Variants in TRAPPC9 observed in about 807,000 individuals in gnomAD.
TRAPPC9 encodes trafficking protein particle complex subunit 9, also known as IKK2 binding protein.
In TRAPPC9, 83 loss-of-function variants were observed where a neutral mutation model predicts 124.0. The ratio of observed to expected loss-of-function variants is 0.67; its 90% CI spans 0.56 to 0.80. The LOEUF (loss-of-function observed/expected upper bound fraction) is 0.80, where lower values mean the gene tolerates loss of function less well. TRAPPC9 is among the 30% of genes least tolerant of loss of function. TRAPPC9 has a pLI of 0.00. For missense variants in TRAPPC9, 1,302 were observed against 1,508.3 expected (o/e 0.86, Z 2.27); for synonymous variants, 638 against 617.5 (o/e 1.03, Z -0.49).
chr8:139,910,392 T>C, intron 19 of TRAPPC9, 92 bp from the exon 20 acceptor site: 2 of 1,227,698 alleles, frequency 1.6e-6, no homozygotes, highest in Non-Finnish European at 2.4e-6. Flanking sequence ...CGTGAGACAC[T>C]ATAATGAATC....
chr8:139,873,467 G>A (rs371158439), intron 21 of TRAPPC9, among the ~76,000 whole-genome samples: 1 of 152,234 alleles, frequency 6.6e-6, no homozygotes, highest in South Asian at 2.1e-4. Flanking sequence ...GTGAGTGAGT[G>A]CCGGGGGTAA....
At chr8:140,075,768 T>C (rs1052360950) in intron 17 of TRAPPC9, among the ~76,000 whole-genome samples, 1 of 152,220 alleles carries the variant, frequency 6.6e-6, no homozygotes, top group Admixed American at 6.5e-5. Context: ...ACACATTGGA[T>C]GTAGAGCCAA....
intron 21 of TRAPPC9, among the ~76,000 whole-genome samples, chr8:139,852,755 T>C (rs1457512569): frequency 2.6e-5 from 4 of 152,224 alleles, no homozygotes; most frequent in Non-Finnish European, 5.9e-5. Context: ...ACCAGCTACC[T>C]TGGGCTGGCT....
chr8:140,419,803 G>A (rs954978700), intron 5 of TRAPPC9, among the ~76,000 whole-genome samples: 1 of 151,958 alleles, frequency 6.6e-6, no homozygotes, highest in Non-Finnish European at 1.5e-5. Flanking sequence ...AGAGAATGGC[G>A]TGAACCCGGA....
At chr8:140,073,378 AAGAAATG>A (rs1329119397) in intron 17 of TRAPPC9, among the ~76,000 whole-genome samples, 2 of 152,354 alleles carry the variant, frequency 1.3e-5, no homozygotes, top group Admixed American at 6.5e-5. Context: ...GAGCAATAAA[AAGAAATG>A]AACTACTGAT....
chr8:140,207,978 C>A (rs987028275), intron 17 of TRAPPC9, among the ~76,000 whole-genome samples: 16 of 152,092 alleles, frequency 1.1e-4, no homozygotes, highest in African/African-American at 3.6e-4. Flanking sequence ...ATGGAGAAAC[C>A]CCATCTCTAC....
At chr8:140,298,826 T>C (rs558678139) in intron 11 of TRAPPC9, among the ~76,000 whole-genome samples, 8 of 152,334 alleles carry the variant, frequency 5.3e-5, no homozygotes, top group African/African-American at 1.7e-4. Context: ...ACAAAATCTA[T>C]AAAATGGGAT....
chr8:140,416,333 AG>A (rs1223763836), intron 5 of TRAPPC9, among the ~76,000 whole-genome samples: 1 of 152,228 alleles, frequency 6.6e-6, no homozygotes, highest in Non-Finnish European at 1.5e-5. Context: ...ACCCAACTCA[AG>A]AAGATCTAGA....
intron 10 of TRAPPC9, chr8:140,302,747 T>A (rs1024556499): frequency 6.6e-6 from 1 of 152,184 alleles, no homozygotes; most frequent in Admixed American, 6.5e-5. Context: ...CAAGAAGAGA[T>A]GGGTGGGGAC....
rs545125647 is a variant in TRAPPC9, at chr8:139,729,664, G to C, written c.*1397C>G. Among the ~76,000 whole-genome samples the C allele has an allele frequency of 2.8e-3, 432 of 152,354 alleles. 3 individuals are homozygous for C. The highest frequency in any genetic ancestry group is 5.4e-3 in the South Asian group (26 of 4,828). ...TGTTCCTTAGGCCGGAGGCCACAGG[G>C]TGACCTTGCTCCCAGCGAGGGAGGT... On this transcript the variant is annotated 3_prime_UTR_variant, in exon 23 of 23. Coordinates refer to ENST00000438773, the MANE Select transcript of TRAPPC9 (RefSeq NM_001160372.4).
chr8:140,270,147 G>A (rs2064831525), intron 15 of TRAPPC9, among the ~76,000 whole-genome samples: 1 of 151,910 alleles, frequency 6.6e-6, no homozygotes, highest in Admixed American at 6.6e-5. Flanking sequence ...TAGAAAGGTG[G>A]GACAGAAGCT....
At chr8:140,295,218 C>G (rs2065774193) in intron 11 of TRAPPC9, among the ~76,000 whole-genome samples, 1 of 152,232 alleles carries the variant, frequency 6.6e-6, no homozygotes, top group South Asian at 2.1e-4. Context: ...ATCCCCAGCA[C>G]ATAGCACAGG....
chr8:139,744,488 T>A (rs961138246), intron 21 of TRAPPC9, among the ~76,000 whole-genome samples: 11 of 152,106 alleles, frequency 7.2e-5, no homozygotes, highest in African/African-American at 2.7e-4. Flanking sequence ...ACTTGCTCCG[T>A]CTCCGTGTCC....
intron 17 of TRAPPC9, among the ~76,000 whole-genome samples, chr8:140,189,013 CA>C (rs2062417873): frequency 6.6e-6 from 1 of 152,154 alleles, no homozygotes; most frequent in African/African-American, 2.4e-5. Flanking sequence ...CAACATGGCC[CA>C]AATAACACTA....
intron 17 of TRAPPC9, among the ~76,000 whole-genome samples, chr8:140,142,640 C>A (rs1257392020): frequency 2.0e-5 from 3 of 152,246 alleles, no homozygotes; most frequent in Admixed American, 6.5e-5. Context: ...CTATTTCCCC[C>A]ACTTTTACAC....
At chr8:139,862,188 G>A (rs1237537988) in intron 21 of TRAPPC9, among the ~76,000 whole-genome samples, 2 of 152,260 alleles carry the variant, frequency 1.3e-5, no homozygotes, top group Non-Finnish European at 2.9e-5. Context: ...CACCGCCAGG[G>A]CACTTGGCCC....
intron 21 of TRAPPC9, among the ~76,000 whole-genome samples, chr8:139,771,871 C>T (rs1029411224): frequency 3.3e-5 from 5 of 152,206 alleles, no homozygotes; most frequent in Non-Finnish European, 7.3e-5. Context: ...ACACAGGAGC[C>T]TGACTCAGTG....
chr8:139,863,873 C>T lies in TRAPPC9; in HGVS notation c.3055+22006G>A, dbSNP rs528881008. 3.9e-5 allele frequency among the ~76,000 whole-genome samples: 6 copies of T among 152,314 alleles called. No homozygotes were observed. In the East Asian group the frequency reaches 5.8e-4, roughly 15 times the overall value. On this transcript the variant is annotated intron_variant, in intron 21 of 22. Transcript: ENST00000438773. Reference sequence around the variant, plus strand: ...AGCGGGCAAGGAGCAGCATTCACACCGGGCAGGCTGGAAAACAGAGTGCAG... The same window carrying T: ...AGCGGGCAAGGAGCAGCATTCACACTGGGCAGGCTGGAAAACAGAGTGCAG...
intron 11 of TRAPPC9, among the ~76,000 whole-genome samples, chr8:140,294,181 G>T (rs2065741243): frequency 6.6e-6 from 1 of 151,986 alleles, no homozygotes; most frequent in Non-Finnish European, 1.5e-5. Context: ...CAGAAACTCA[G>T]GTCTTGTCCT....
Sources: allele counts gnomAD v4.1 joint callset (sites outside exome capture counted in the v4.1 genomes callset), GRCh38; gene constraint gnomAD v4.1.1; transcripts MANE v1.5; gene names NCBI Gene and HGNC (gene_info 2026-07-23, HGNC 2026-07-21).